GABRP: variants seen among roughly 807,000 people sequenced by gnomAD.
The protein encoded by GABRP is gamma-aminobutyric acid type A receptor subunit pi, also known as gamma-aminobutyric acid receptor subunit pi.
In GABRP, 52 loss-of-function variants were observed where a neutral mutation model predicts 47.8. The observed-to-expected ratio is 1.09, with a 90% CI of 0.87 to 1.37. GABRP has a LOEUF of 1.37. Ranked by LOEUF, GABRP falls within the 40% of genes most tolerant of loss-of-function variation. The pLI is 0.00. For missense variants in GABRP, 525 were observed against 542.8 expected (o/e 0.97, Z 0.33); for synonymous variants, 221 against 205.8 (o/e 1.07, Z -0.63).
chr5:170,800,740 G>T (rs1404187810), intron 6 of GABRP, among the ~76,000 whole-genome samples: 1 of 152,192 alleles, frequency 6.6e-6, no homozygotes, highest in Non-Finnish European at 1.5e-5. Context: ...GAGGCCTGGA[G>T]TTCAAGACCA....
chr5:170,801,793 C>T (rs1765599767), intron 6 of GABRP, among the ~76,000 whole-genome samples: 1 of 151,086 alleles, frequency 6.6e-6, no homozygotes, highest in Non-Finnish European at 1.5e-5. Flanking sequence ...ACTCTACAGT[C>T]TAATAGAGGG....
At chr5:170,793,789 G>T (rs895274217) in intron 3 of GABRP, among the ~76,000 whole-genome samples, 1 of 151,938 alleles carries the variant, frequency 6.6e-6, no homozygotes, top group East Asian at 1.9e-4. Context: ...CAAATTAGCC[G>T]GGCTTGGTGG....
In GABRP at chr5:170,794,267, C is replaced by T. The variant is rs1163682770; in HGVS notation, c.209C>T (p.Ala70Val). 6.2e-7 allele frequency: 1 copy of T among 1,609,148 alleles called. No individual in the cohort carries two copies. The highest frequency in any genetic ancestry group is 1.4e-5 in the African/African-American group (1 of 73,706). Reference protein sequence around the residue: ...PVQIALTLDIASISSISESNM... With the variant: ...PVQIALTLDIVSISSISESNM... ...CAGATAGCGCTGACTCTGGACATTG[C>T]AAGTATCTCTAGCATTTCAGAGAGT... Residue 70 changes from alanine to valine, a missense_variant, in exon 4 of 10, where the codon GCA (alanine) becomes GTA (valine). Transcript: ENST00000265294.
intron 6 of GABRP, 87 bp from the exon 7 acceptor site, chr5:170,805,629 C>A: frequency 7.1e-7 from 1 of 1,415,044 alleles, no homozygotes; most frequent in South Asian, 1.3e-5. Flanking sequence ...AGAACTCATG[C>A]TGTCTCCATA....
chr5:170,797,307 T>G (rs187939449), intron 5 of GABRP, among the ~76,000 whole-genome samples, 159 bp from the exon 6 acceptor site: 3 of 151,842 alleles, frequency 2.0e-5, no homozygotes, highest in African/African-American at 7.3e-5. Flanking sequence ...ACACATTCTT[T>G]AGCACCCAGA....
At chr5:170,788,277 G>T in intron 1 of GABRP, 1 of 206,490 alleles carries the variant, frequency 4.8e-6, no homozygotes, top group East Asian at 1.1e-4. Context: ...TGGAGCCTGG[G>T]AAGTTGAGCT....
chr5:170,790,621 CAGGGAAGGAGAG>C (rs1021418975), intron 3 of GABRP, among the ~76,000 whole-genome samples: 1 of 151,886 alleles, frequency 6.6e-6, no homozygotes, highest in Non-Finnish European at 1.5e-5. Context: ...GGTCTGGCCT[CAGGGAAGGAGAG>C]AGGGAAGGAA....
chr5:170,783,533 A>G (rs990140520), upstream of GABRP, among the ~76,000 whole-genome samples: 22 of 152,148 alleles, frequency 1.4e-4, no homozygotes, highest in African/African-American at 5.3e-4. Flanking sequence ...TGACTGAGAC[A>G]TGATCTCAGA....
chr5:170,810,089 A>G lies in GABRP; in HGVS notation c.1020+334A>G, dbSNP rs570250730. ...ATGATCAGCTGCTTGCAAGTTTTAT[A>G]TTAATATATATTTACTATTTAATTC... On this transcript the variant is annotated intron_variant, in intron 9 of 9. Transcript: ENST00000265294. 20 of 599,710 alleles carry G rather than the reference A, an allele frequency of 3.3e-5. No homozygotes were observed. The South Asian group carries it at 3.8e-4, about 11-fold the overall frequency. 37.1% of individuals were successfully genotyped at this position (599,710 alleles called of 1,614,324 possible). A position where few individuals can be genotyped will look rare whatever the true frequency, so the allele number is the denominator to read the frequency against.
intron 3 of GABRP, among the ~76,000 whole-genome samples, chr5:170,790,188 G>A (rs1765229889): frequency 6.6e-6 from 1 of 152,156 alleles, no homozygotes; most frequent in African/African-American, 2.4e-5. Flanking sequence ...AGGGAGTGAG[G>A]CCAACTGCAC....
chr5:170,789,187 C>G lies in GABRP; in HGVS notation c.112C>G (p.Leu38Val). ...GGTCGGCAGAAGTGACAAGCTTTCC[C>G]TGCCTGGCTTTGAGAACCTCACAGC... ...VEVGRSDKLS[L>V]PGFENLTAGY... The change falls in exon 3 of 10, where the codon CTG becomes GTG. Residue 38 changes from leucine to valine, a missense_variant. By Grantham distance (32) the Leu-to-Val change is conservative (BLOSUM62 1). Coordinates refer to ENST00000265294, the MANE Select transcript of GABRP (RefSeq NM_014211.3). 6.2e-7 allele frequency: 1 copy of G among 1,614,214 alleles called. No individual in the cohort carries two copies. Among genetic ancestry groups the G allele is most frequent in the Non-Finnish European group, 8.5e-7 (1 of 1,180,046 alleles).
intron 3 of GABRP, 32 bp downstream of exon 3, chr5:170,789,279 C>T (rs1439404993): frequency 7.1e-7 from 1 of 1,404,824 alleles, no homozygotes; most frequent in African/African-American, 1.4e-5. Context: ...GGACATCATT[C>T]AAAGGGACGA....
At chr5:170,791,288 A>G (rs1157395162) in intron 3 of GABRP, among the ~76,000 whole-genome samples, 2 of 152,236 alleles carry the variant, frequency 1.3e-5, no homozygotes, top group East Asian at 1.9e-4. Context: ...GCACAACCCC[A>G]TACCCCTTGT....
chr5:170,803,215 G>A (rs1368692718), intron 6 of GABRP, among the ~76,000 whole-genome samples: 1 of 152,132 alleles, frequency 6.6e-6, no homozygotes, highest in Admixed American at 6.5e-5. Flanking sequence ...CCCTGGGGAG[G>A]GCGAGATAAC....
intron 3 of GABRP, among the ~76,000 whole-genome samples, chr5:170,789,947 C>A (rs1164063155): frequency 6.6e-6 from 1 of 152,130 alleles, no homozygotes; most frequent in Admixed American, 6.5e-5. Context: ...TGAGAAGCCT[C>A]CCCTGATTCC....
intron 1 of GABRP, among the ~76,000 whole-genome samples, chr5:170,784,213 T>C (rs1462472232): frequency 6.6e-6 from 1 of 152,230 alleles, no homozygotes; most frequent in Admixed American, 6.5e-5. Context: ...CTACTCCTGC[T>C]TTCCAACAAA....
At chr5:170,797,320 C>T in intron 5 of GABRP, 146 bp from the exon 6 acceptor site, 2 of 637,298 alleles carry the variant, frequency 3.1e-6, no homozygotes, top group Admixed American at 4.6e-5. Context: ...CACCCAGAGC[C>T]TCAAGGATGC....
At chr5:170,786,970 G>A (rs1393088220) in intron 1 of GABRP, among the ~76,000 whole-genome samples, 1 of 152,024 alleles carries the variant, frequency 6.6e-6, no homozygotes, top group Non-Finnish European at 1.5e-5. Context: ...AGAAGAAATG[G>A]GGGGGGACTT....
At chr5:170,786,981 T>G (rs2127248485) in intron 1 of GABRP, among the ~76,000 whole-genome samples, 1 of 152,238 alleles carries the variant, frequency 6.6e-6, no homozygotes, top group Admixed American at 6.5e-5. Context: ...GGGGGGACTT[T>G]TTTGTTTTTG....
Sources: gnomAD v4.1 joint callset for allele counts (sites outside exome capture counted in the v4.1 genomes callset) on GRCh38, gnomAD v4.1.1 for gene constraint, MANE v1.5 for transcripts, NCBI Gene and HGNC (gene_info 2026-07-23, HGNC 2026-07-21) for gene names.